BMAL2: variants seen among roughly 807,000 people sequenced by gnomAD.
BMAL2 encodes basic helix-loop-helix ARNT like 2.
At chr12:27,346,091 G>A in the BMAL2 span, among the ~76,000 whole-genome samples, 1 of 152,166 alleles carries the variant, frequency 6.6e-6, no homozygotes, top group East Asian at 1.9e-4. Flanking sequence ...TAGTCTACTG[G>A]ACTTGATAAC....
At chr12:27,400,527 G>T in the BMAL2 span, 2 of 1,548,092 alleles carry the variant, frequency 1.3e-6, no homozygotes, top group Admixed American at 2.1e-5. Flanking sequence ...AAAAATCTTT[G>T]AATTAGAGCA....
chr12:27,382,624 C>T, the BMAL2 span, among the ~76,000 whole-genome samples: 2 of 152,168 alleles, frequency 1.3e-5, no homozygotes, highest in Non-Finnish European at 2.9e-5. Flanking sequence ...GTCAGTGCTG[C>T]TCACAAGCAA....
the BMAL2 span, among the ~76,000 whole-genome samples, chr12:27,399,434 C>T: frequency 1.3e-5 from 2 of 152,172 alleles, no homozygotes; most frequent in African/African-American, 4.8e-5. Context: ...CCATCCTGTA[C>T]CTGGTGTGAC....
the BMAL2 span, among the ~76,000 whole-genome samples, chr12:27,367,879 C>G: frequency 2.0e-5 from 3 of 151,676 alleles, no homozygotes; most frequent in Admixed American, 6.6e-5. Context: ...GAGTCTCGCT[C>G]TGTTGCCCAG....
the BMAL2 span, among the ~76,000 whole-genome samples, chr12:27,345,296 T>TATC: frequency 6.6e-6 from 1 of 152,170 alleles, no homozygotes; most frequent in Non-Finnish European, 1.5e-5. Flanking sequence ...TCATTCTAGG[T>TATC]GTCTTTCTTT....
At chr12:27,394,143 G>C in the BMAL2 span, among the ~76,000 whole-genome samples, 1 of 152,044 alleles carries the variant, frequency 6.6e-6, no homozygotes, top group African/African-American at 2.4e-5. Context: ...TATTGCTCTG[G>C]CTGGTCTCAA....
At chr12:27,400,915 A>G in the BMAL2 span, 1 of 840,532 alleles carries the variant, frequency 1.2e-6, no homozygotes, top group East Asian at 2.7e-5. Context: ...AAATAAGAAT[A>G]TGGACATGTC....
chr12:27,415,188 A>G, the BMAL2 span, among the ~76,000 whole-genome samples: 2 of 152,210 alleles, frequency 1.3e-5, no homozygotes, highest in South Asian at 2.1e-4. Flanking sequence ...ATAATGTTAT[A>G]TACTGAAGAT....
chr12:27,409,402 G>C, the BMAL2 span, among the ~76,000 whole-genome samples: 9 of 152,120 alleles, frequency 5.9e-5, no homozygotes, highest in Non-Finnish European at 1.2e-4. Flanking sequence ...CAGAGATATA[G>C]ACCAATGGAA....
chr12:27,349,767 G>T, the BMAL2 span, among the ~76,000 whole-genome samples: 3 of 152,104 alleles, frequency 2.0e-5, no homozygotes, highest in South Asian at 6.2e-4. Context: ...GGTAAGTCTG[G>T]TCTTTATTCT....
At chr12:27,414,505 C>T in the BMAL2 span, among the ~76,000 whole-genome samples, 1 of 152,040 alleles carries the variant, frequency 6.6e-6, no homozygotes, top group Admixed American at 6.6e-5. Flanking sequence ...AGAGGAAAAT[C>T]GTAAGAGTCA....
chr12:27,400,487 C>A, the BMAL2 span: 1 of 1,437,788 alleles, frequency 7.0e-7, no homozygotes, highest in South Asian at 1.5e-5. Flanking sequence ...AATTTAATGA[C>A]TTATTTATAA....
the BMAL2 span, among the ~76,000 whole-genome samples, chr12:27,345,606 A>G: frequency 1.3e-5 from 2 of 152,180 alleles, no homozygotes; most frequent in African/African-American, 4.8e-5. Flanking sequence ...CTCCTGCATC[A>G]TCCTCTGCCT....
At chr12:27,355,106 G>A in the BMAL2 span, among the ~76,000 whole-genome samples, 8 of 152,096 alleles carry the variant, frequency 5.3e-5, no homozygotes, top group African/African-American at 4.8e-5. Flanking sequence ...ATTTCCAGAC[G>A]TTATTCCTCA....
the BMAL2 span, among the ~76,000 whole-genome samples, chr12:27,394,091 C>A: frequency 6.6e-6 from 1 of 152,114 alleles, no homozygotes; most frequent in African/African-American, 2.4e-5. Flanking sequence ...ATCACTGCAT[C>A]CCTCTAAGTT....
chr12:27,410,745 T>TA, the BMAL2 span, among the ~76,000 whole-genome samples: 48 of 151,460 alleles, frequency 3.2e-4, no homozygotes, highest in Middle Eastern at 3.4e-3. Context: ...AAAAGTGTAA[T>TA]AAAAAAAATA....
the BMAL2 span, among the ~76,000 whole-genome samples, chr12:27,376,662 T>C: frequency 6.6e-6 from 1 of 152,090 alleles, no homozygotes; most frequent in Non-Finnish European, 1.5e-5. Context: ...AATTGATCAA[T>C]GACTTAAACA....
chr12:27,398,330 C>T, the BMAL2 span, among the ~76,000 whole-genome samples: 2 of 152,262 alleles, frequency 1.3e-5, no homozygotes, highest in East Asian at 1.9e-4. Flanking sequence ...CTCACCCCCA[C>T]ACACATTTGG....
chr12:27,361,243 T>A, the BMAL2 span, among the ~76,000 whole-genome samples: 1 of 152,212 alleles, frequency 6.6e-6, no homozygotes, highest in Non-Finnish European at 1.5e-5. Context: ...TCCAAACGGC[T>A]GCTCATTTCC....
Sources: gnomAD v4.1 joint callset for allele counts (sites outside exome capture counted in the v4.1 genomes callset) on GRCh38, gnomAD v4.1.1 for gene constraint, MANE v1.5 for transcripts, NCBI Gene and HGNC (gene_info 2026-07-23, HGNC 2026-07-21) for gene names.